BPTF: variants seen among roughly 807,000 people sequenced by gnomAD.
The protein encoded by BPTF is nucleosome-remodeling factor subunit BPTF.
A neutral mutation model predicts 292.5 loss-of-function variants in BPTF; 18 were observed. The observed-to-expected ratio is 0.06, with a 90% CI of 0.04 to 0.09. The LOEUF (loss-of-function observed/expected upper bound fraction) is 0.09, where lower values mean the gene tolerates loss of function less well. Ranked by LOEUF, BPTF falls within the 10% of genes least tolerant of loss-of-function variation. The pLI is 1.00. For synonymous variants in BPTF, 1,225 were observed against 1,251.9 expected (o/e 0.98, Z 0.45); for missense variants, 2,726 against 3,498.7 (o/e 0.78, Z 5.57).
intron 7 of BPTF, 99 bp from the exon 8 acceptor site, chr17:67,903,690 A>G: frequency 3.5e-6 from 4 of 1,127,154 alleles, no homozygotes; most frequent in Non-Finnish European, 4.8e-6. Context: ...GTAGGATTAT[A>G]ACAGTCTGCT....
chr17:67,829,652 T>C (rs976104616), intron 1 of BPTF, among the ~76,000 whole-genome samples: 1 of 151,956 alleles, frequency 6.6e-6, no homozygotes, highest in Non-Finnish European at 1.5e-5. Flanking sequence ...AAAAAAAGTT[T>C]TAGAACTGGT....
chr17:67,944,550 G>C (rs2065648180), intron 20 of BPTF, 178 bp downstream of exon 20: 1 of 653,474 alleles, frequency 1.5e-6, no homozygotes, highest in Admixed American at 3.0e-5. Flanking sequence ...TATTCTTACA[G>C]ACTCCCTGTT....
chr17:67,869,587 C>A (rs1389986767), intron 3 of BPTF, among the ~76,000 whole-genome samples: 1 of 152,036 alleles, frequency 6.6e-6, no homozygotes, highest in Non-Finnish European at 1.5e-5. Context: ...AACCAATTAG[C>A]ATAGTAGAAT....
intron 1 of BPTF, among the ~76,000 whole-genome samples, chr17:67,839,227 C>T (rs966158177): frequency 2.0e-5 from 3 of 151,886 alleles, no homozygotes; most frequent in Non-Finnish European, 2.9e-5. Flanking sequence ...GTATGCTTTC[C>T]GAATTTAATG....
At chr17:67,971,023 C>G (rs1301665710) in intron 26 of BPTF, among the ~76,000 whole-genome samples, 1 of 151,784 alleles carries the variant, frequency 6.6e-6, no homozygotes, top group Non-Finnish European at 1.5e-5. Flanking sequence ...ACTGCATCCT[C>G]GTCCTCCCAG....
intron 21 of BPTF, among the ~76,000 whole-genome samples, chr17:67,946,818 G>A (rs1432681430): frequency 6.6e-6 from 1 of 152,210 alleles, no homozygotes; most frequent in Non-Finnish European, 1.5e-5. Flanking sequence ...GCATCATCCA[G>A]CAACATCTTG....
Position 67,984,199 on chromosome 17 carries a change from C to CAT in BPTF, c.*1919_*1920dup, listed in dbSNP as rs1296227316. 347 of 152,552 alleles carry CAT rather than the reference C, an allele frequency of 2.3e-3. 1 individual carries two copies. Among genetic ancestry groups the CAT allele is most frequent in the African/African-American group, 7.9e-3 (329 of 41,498 alleles). 9.4% of individuals were successfully genotyped at this position (152,552 alleles called of 1,614,324 possible). A position where few individuals can be genotyped will look rare whatever the true frequency, so the allele number is the denominator to read the frequency against. On this transcript the variant is annotated 3_prime_UTR_variant, in exon 28 of 28. Coordinates refer to ENST00000306378, the MANE Select transcript of BPTF (RefSeq NM_182641.4). ...TCACAGTATTTCTGTACTATTTATT[C>CAT]ATATATATAAATATATATGGGCTTA... is the stretch of plus-strand genomic sequence containing the variant.
chr17:67,945,958 C>A lies in BPTF; in HGVS notation c.7250C>A (p.Ser2417Tyr). 1 of 1,614,204 alleles carries A rather than the reference C, an allele frequency of 6.2e-7. No individual in the cohort carries two copies. The highest frequency in any genetic ancestry group is 8.5e-7 in the Non-Finnish European group (1 of 1,180,042). Reference protein sequence around the residue: ...GQTLNQVTVSSPSRPQLQIQQ... With the variant: ...GQTLNQVTVSYPSRPQLQIQQ... ...ACTTTAAATCAAGTTACTGTTTCAT[C>A]CCCATCCCGTCCTCAGCTACAAATA... The change falls in exon 21 of 28, where the codon TCC (serine) becomes TAC (tyrosine). Residue 2417 changes from serine to tyrosine, a missense_variant. Ser to Tyr is a moderately radical substitution (Grantham distance 144). Transcript: ENST00000306378.
At chr17:67,947,645 T>C in intron 21 of BPTF, 81 bp from the exon 22 acceptor site, 1 of 1,064,078 alleles carries the variant, frequency 9.4e-7, no homozygotes. Flanking sequence ...ACATATGTGC[T>C]CAAATTTCTA....
At chr17:67,974,349 C>T (rs2069141486) in intron 26 of BPTF, 1 of 152,012 alleles carries the variant, frequency 6.6e-6, no homozygotes, top group Non-Finnish European at 1.5e-5. Context: ...TGGGAGAATT[C>T]TGTTTGGCGG....
intron 9 of BPTF, among the ~76,000 whole-genome samples, chr17:67,905,996 A>G (rs1598558732): frequency 1.3e-5 from 2 of 152,228 alleles, no homozygotes; most frequent in Admixed American, 6.5e-5. Context: ...ACATGTATAC[A>G]TATGTCACAA....
chr17:67,934,307 C>T (rs1219136219), intron 18 of BPTF, among the ~76,000 whole-genome samples: 1 of 151,926 alleles, frequency 6.6e-6, no homozygotes, highest in African/African-American at 2.4e-5. Flanking sequence ...CACCTGAGGT[C>T]AGGAGTTCGA....
intron 18 of BPTF, among the ~76,000 whole-genome samples, chr17:67,934,887 A>AAAAAAAAAAAAAAAC (rs2064783233): frequency 6.6e-6 from 1 of 151,556 alleles, no homozygotes; most frequent in African/African-American, 2.4e-5. Flanking sequence ...AAAAAAAAAA[A>AAAAAAAAAAAAAAAC]AAGCATGTAA....
At chr17:67,883,550 AT>A (rs1404266429) in intron 4 of BPTF, among the ~76,000 whole-genome samples, 1 of 151,870 alleles carries the variant, frequency 6.6e-6, no homozygotes, top group Non-Finnish European at 1.5e-5. Context: ...CTAAGTAGCC[AT>A]TTTTATTGGT....
At chr17:67,865,562 C>T (rs1332242637) in intron 2 of BPTF, among the ~76,000 whole-genome samples, 1 of 152,214 alleles carries the variant, frequency 6.6e-6, no homozygotes, top group Non-Finnish European at 1.5e-5. Flanking sequence ...AAAGCCAGAT[C>T]TCTCCTAAAG....
chr17:67,912,008 G>A lies in BPTF; in HGVS notation c.4124G>A (p.Cys1375Tyr), dbSNP rs201735088. ...TTAGAGGAGAGACCAGTTAATAAAT[G>A]TAGTGATCAAATAAAGCTAAAAAAT... is the stretch of plus-strand genomic sequence containing the variant. ...KKLEERPVNK[C>Y]SDQIKLKNTT... Residue 1375 changes from cysteine (C) to tyrosine (Y), a missense_variant, in exon 11 of 28, where the codon TGT becomes TAT. Cys to Tyr is a radical substitution (Grantham distance 194). Coordinates refer to ENST00000306378, the MANE Select transcript of BPTF (RefSeq NM_182641.4). 3 of 1,613,508 alleles carry A rather than the reference G, an allele frequency of 1.9e-6. No individual in the cohort carries two copies. Among genetic ancestry groups the A allele is most frequent in the South Asian group, 1.1e-5 (1 of 90,932 alleles).
At chr17:67,847,216 A>T (rs1184526765) in intron 1 of BPTF, among the ~76,000 whole-genome samples, 2 of 152,114 alleles carry the variant, frequency 1.3e-5, no homozygotes, top group Non-Finnish European at 2.9e-5. Context: ...TGTCTGGCAA[A>T]TAGAAAGCAC....
At chr17:67,886,877 A>G (rs182882531) in intron 4 of BPTF, among the ~76,000 whole-genome samples, 32 of 152,118 alleles carry the variant, frequency 2.1e-4, no homozygotes, top group Non-Finnish European at 7.4e-5. Flanking sequence ...TTCATCTACT[A>G]TTTCTCTATT....
intron 1 of BPTF, among the ~76,000 whole-genome samples, chr17:67,844,247 C>T (rs1297130031): frequency 5.4e-5 from 8 of 149,186 alleles, no homozygotes; most frequent in East Asian, 4.0e-4. Flanking sequence ...CCATGTCTGG[C>T]GAATTTTTTT....
Sources: gnomAD v4.1 joint callset for allele counts (sites outside exome capture counted in the v4.1 genomes callset) on GRCh38, gnomAD v4.1.1 for gene constraint, MANE v1.5 for transcripts, NCBI Gene and HGNC (gene_info 2026-07-23, HGNC 2026-07-21) for gene names.